DPP10: variants seen among roughly 807,000 people sequenced by gnomAD.
DPP10 encodes the protein inactive dipeptidyl peptidase 10.
In DPP10, 33 loss-of-function variants were observed where a neutral mutation model predicts 120.9. That is an observed-to-expected ratio of 0.27 (90% CI 0.21 to 0.37). The LOEUF (loss-of-function observed/expected upper bound fraction) is 0.37, where lower values mean the gene tolerates loss of function less well. DPP10 is among the 10% of genes least tolerant of loss of function. DPP10 has a pLI of 1.00. For missense variants in DPP10, 816 were observed against 942.8 expected (o/e 0.87, Z 1.76); for synonymous variants, 337 against 326.1 (o/e 1.03, Z -0.36).
intron 1 of DPP10, among the ~76,000 whole-genome samples, chr2:115,245,825 T>C (rs2058508460): frequency 6.6e-6 from 1 of 152,184 alleles, no homozygotes; most frequent in African/African-American, 2.4e-5. Flanking sequence ...TGATTAATGA[T>C]TCTTATGACC....
chr2:114,970,322 G>A (rs1334150540), intron 1 of DPP10, among the ~76,000 whole-genome samples: 2 of 152,110 alleles, frequency 1.3e-5, no homozygotes, highest in South Asian at 2.1e-4. Flanking sequence ...TAGCACATAG[G>A]TTTACTGGTC....
At chr2:115,211,183 A>G (rs1412812491) in intron 1 of DPP10, among the ~76,000 whole-genome samples, 1 of 151,462 alleles carries the variant, frequency 6.6e-6, no homozygotes, top group African/African-American at 2.4e-5. Context: ...AAAATGCAAA[A>G]TCTTTTTCTC....
intron 5 of DPP10, among the ~76,000 whole-genome samples, chr2:115,685,352 A>C (rs535837558): frequency 6.6e-6 from 1 of 151,948 alleles, no homozygotes; most frequent in African/African-American, 2.4e-5. Context: ...ATAAAACCAA[A>C]AAGATTAATC....
chr2:115,629,141 G>A (rs112037606), intron 5 of DPP10, among the ~76,000 whole-genome samples: 11,613 of 152,160 alleles, frequency 0.076, 456 homozygotes, highest in South Asian at 0.12. Context: ...CAGAGGACAC[G>A]AACTCATCCT....
chr2:115,769,676 T>C (rs1397307025), intron 13 of DPP10, among the ~76,000 whole-genome samples: 1 of 152,014 alleles, frequency 6.6e-6, no homozygotes, highest in East Asian at 1.9e-4. Flanking sequence ...TATATGCATT[T>C]ATAGATGAAT....
intron 2 of DPP10, among the ~76,000 whole-genome samples, chr2:115,328,230 T>C (rs901747374): frequency 6.6e-6 from 1 of 152,120 alleles, no homozygotes; most frequent in Non-Finnish European, 1.5e-5. Context: ...CATGTGTATG[T>C]ATCACAGTGT....
intron 19 of DPP10, among the ~76,000 whole-genome samples, chr2:115,801,076 G>A (rs1389190648): frequency 6.6e-6 from 1 of 152,096 alleles, no homozygotes; most frequent in African/African-American, 2.4e-5. Flanking sequence ...AGCATGGAAT[G>A]TTCTTCCATT....
At chr2:115,329,077 C>G (rs1481938954) in intron 2 of DPP10, among the ~76,000 whole-genome samples, 1 of 151,938 alleles carries the variant, frequency 6.6e-6, no homozygotes, top group Non-Finnish European at 1.5e-5. Context: ...GTTTTATGTA[C>G]TCAGTATGAA....
intron 1 of DPP10, among the ~76,000 whole-genome samples, chr2:114,535,521 CTT>C (rs751457078): frequency 2.0e-5 from 3 of 152,166 alleles, no homozygotes; most frequent in Non-Finnish European, 4.4e-5. Context: ...AAATTATACA[CTT>C]TTTCTTCTTC....
chr2:115,670,258 A>G (rs2089763155), intron 5 of DPP10, among the ~76,000 whole-genome samples: 2 of 152,164 alleles, frequency 1.3e-5, no homozygotes, highest in South Asian at 2.1e-4. Context: ...GTTTTAACAT[A>G]TAAATTTGGA....
chr2:115,751,377 T>C (rs1350383276), intron 10 of DPP10, among the ~76,000 whole-genome samples: 8 of 152,192 alleles, frequency 5.3e-5, no homozygotes, highest in African/African-American at 1.4e-4. Context: ...ACAAGGCCTA[T>C]TGATATGGAC....
chr2:115,336,066 A>G (rs1309851691), intron 2 of DPP10, among the ~76,000 whole-genome samples: 1 of 152,148 alleles, frequency 6.6e-6, no homozygotes, highest in Non-Finnish European at 1.5e-5. Context: ...GATAAAACTA[A>G]CACAATTATT....
chr2:115,051,924 T>G (rs568689164), intron 1 of DPP10, among the ~76,000 whole-genome samples: 1 of 152,350 alleles, frequency 6.6e-6, no homozygotes, highest in African/African-American at 2.4e-5. Flanking sequence ...GAACATCATG[T>G]TATACACCGT....
intron 1 of DPP10, among the ~76,000 whole-genome samples, chr2:114,848,075 C>T (rs180703864): frequency 1.7e-4 from 26 of 152,274 alleles, no homozygotes; most frequent in Admixed American, 1.3e-3. Context: ...TATGGCCTTA[C>T]GCCCAGGGCA....
At chr2:115,557,280 G>T (rs2080274475) in intron 5 of DPP10, among the ~76,000 whole-genome samples, 1 of 151,898 alleles carries the variant, frequency 6.6e-6, no homozygotes, top group South Asian at 2.1e-4. Flanking sequence ...CTACTTCTAA[G>T]GGCTAACAAA....
intron 5 of DPP10, among the ~76,000 whole-genome samples, chr2:115,653,075 C>T (rs1471421437): frequency 1.3e-5 from 2 of 152,088 alleles, no homozygotes; most frequent in East Asian, 3.9e-4. Context: ...TTATACTTCA[C>T]ACACAGAAAA....
chr2:114,910,244 C>A (rs1021529051), intron 1 of DPP10, among the ~76,000 whole-genome samples: 13 of 151,782 alleles, frequency 8.6e-5, no homozygotes, highest in South Asian at 2.1e-4. Flanking sequence ...AAAACATTTT[C>A]TTCAATCCAA....
chr2:115,381,561 T>C (rs902098079), intron 3 of DPP10, among the ~76,000 whole-genome samples: 7 of 152,232 alleles, frequency 4.6e-5, no homozygotes, highest in Non-Finnish European at 8.8e-5. Context: ...CTTGTCAAAG[T>C]CATTCTCCGT....
chr2:115,441,847 C>G (rs540131469), intron 3 of DPP10, among the ~76,000 whole-genome samples: 1 of 132,372 alleles, frequency 7.6e-6, no homozygotes, highest in Non-Finnish European at 1.5e-5. Flanking sequence ...GACAGAGTCT[C>G]GCTGTTTCCC....
Sources: allele counts gnomAD v4.1 joint callset (sites outside exome capture counted in the v4.1 genomes callset), GRCh38; gene constraint gnomAD v4.1.1; transcripts MANE v1.5; gene names NCBI Gene and HGNC (gene_info 2026-07-23, HGNC 2026-07-21).